MAMDC4: variants seen among roughly 807,000 people sequenced by gnomAD.
MAMDC4 encodes MAM domain containing 4, also known as apical endosomal glycoprotein.
In MAMDC4, 168 loss-of-function variants were observed where a neutral mutation model predicts 153.3. The observed-to-expected ratio is 1.10, with a 90% CI of 0.97 to 1.25. The LOEUF (loss-of-function observed/expected upper bound fraction) is 1.25, where lower values mean the gene tolerates loss of function less well. Among genes scored for constraint, MAMDC4 ranks in the 50% most tolerant of loss-of-function variants. The pLI is 0.00. For missense variants in MAMDC4, 1,701 were observed against 1,542.8 expected (o/e 1.10, Z -1.72); for synonymous variants, 744 against 651.5 (o/e 1.14, Z -2.16).
intron 1 of MAMDC4, 138 bp downstream of exon 1, chr9:136,852,600 C>A: frequency 8.8e-7 from 1 of 1,133,384 alleles, no homozygotes; most frequent in Non-Finnish European, 1.3e-6. Flanking sequence ...CTACCTTGGC[C>A]GGCCTGCAAG....
chr9:136,854,464 C>A, intron 7 of MAMDC4, 75 bp from the exon 8 acceptor site: 1 of 1,529,852 alleles, frequency 6.5e-7, no homozygotes, highest in Non-Finnish European at 8.8e-7. Flanking sequence ...GTTGCCAGGG[C>A]CCCCCTGGAG....
At chr9:136,856,216 G>A (rs1411521120) in intron 14 of MAMDC4, 67 bp downstream of exon 14, 1 of 1,610,828 alleles carries the variant, frequency 6.2e-7, no homozygotes, top group South Asian at 1.1e-5. Context: ...GGAGGGGTCT[G>A]GGGCCGGGTG....
At chr9:136,858,923 G>T in intron 23 of MAMDC4, 70 bp downstream of exon 23, 3 of 1,548,022 alleles carry the variant, frequency 1.9e-6, no homozygotes, top group Non-Finnish European at 2.6e-6. Context: ...GAGGTGGGGA[G>T]GTGGCCTCCC....
Position 136,856,759 on chromosome 9 carries a change from C to T in MAMDC4, c.1770C>T (p.His590=), listed in dbSNP as rs377077626. The T allele has an allele frequency of 8.7e-6, 14 of 1,612,386 alleles. 1 individual carries two copies. The African/African-American group carries it at 1.9e-4, about 22-fold the overall frequency. ...ACACATGCAGCTGGTACCCAGGCCA[C>T]CTCTCAGACACACACTGGCGCTGGG... ...ERDTCSWYPG[H]LSDTHWRWVE... The change falls in exon 15 of 27, where the codon CAC becomes CAT. Residue 590 remains histidine, a synonymous_variant. Coordinates refer to ENST00000317446, the MANE Select transcript of MAMDC4 (RefSeq NM_206920.3).
chr9:136,859,528 G>T lies in MAMDC4; in HGVS notation c.3193+211G>T, dbSNP rs115398961. The T allele has an allele frequency of 2.4e-3, 1,432 of 607,160 alleles. 12 individuals carry two copies. The highest frequency in any genetic ancestry group is 0.024 in the African/African-American group (1,269 of 53,816). 37.6% of individuals were successfully genotyped at this position (607,160 alleles called of 1,614,324 possible). A position where few individuals can be genotyped will look rare whatever the true frequency, so the allele number is the denominator to read the frequency against. On this transcript the variant is annotated intron_variant, in intron 25 of 26. Transcript: ENST00000317446. ...CTGCCTGGGCTGGGCTGTCCCTGGG[G>T]TGCAGCCTCTGGGGCCTGCCCTGCC...
At position 136,857,725 on chromosome 9, in the gene MAMDC4, C is replaced by G. The variant is rs758429815; in HGVS notation, c.2393C>G (p.Ser798Cys). Reference protein sequence around the residue: ...LPRGQTASLTSKEHRPLAQPA... With the variant: ...LPRGQTASLTCKEHRPLAQPA... ...CGGGGCCAGACGGCCTCCCTGACCT[C>G]CAAGGAGCACAGGCCCCTGGCCCAG... is the stretch of plus-strand genomic sequence containing the variant. The change falls in exon 19 of 27, where the codon TCC (serine) becomes TGC (cysteine). Residue 798 changes from serine to cysteine, a missense_variant. By Grantham distance (112) the Ser-to-Cys change is moderately radical. Transcript: ENST00000317446. 1.2e-6 allele frequency: 2 copies of G among 1,612,606 alleles called. No individual in the cohort carries two copies. The highest frequency in any genetic ancestry group is 1.7e-6 in the Non-Finnish European group (2 of 1,179,860).
Position 136,854,298 on chromosome 9 carries a change from A to G in MAMDC4, c.758A>G (p.Asn253Ser). ...CAGCAGCTGTGCGACGGGGAAGACA[A>G]CTGCGGGGACCTGTCTGATGAGAAC... ...EPQQLCDGED[N>S]CGDLSDENPL... Residue 253 changes from asparagine (N) to serine (S), a missense_variant, in exon 7 of 27, where the codon AAC becomes AGC. Coordinates refer to ENST00000317446, the MANE Select transcript of MAMDC4 (RefSeq NM_206920.3). 1 of 1,599,738 alleles carries G rather than the reference A, an allele frequency of 6.3e-7. No individual in the cohort carries two copies. Among genetic ancestry groups the G allele is most frequent in the Non-Finnish European group, 8.5e-7 (1 of 1,173,770 alleles).
rs1354147326 is a variant in MAMDC4, at chr9:136,857,653, C to G, written c.2327-6C>G. On this transcript the variant is annotated splice_polypyrimidine_tract_variant and splice_region_variant and intron_variant, in intron 18 of 26. Coordinates refer to ENST00000317446, the MANE Select transcript of MAMDC4 (RefSeq NM_206920.3). ...GGGGCTGGCAGGCTGATGCTGGCAC[C>G]TCCAGGGCACTACATGGTGGTGGAC... The G allele has an allele frequency of 2.5e-6, 4 of 1,612,422 alleles. No homozygotes were observed. Among genetic ancestry groups the G allele is most frequent in the Non-Finnish European group, 3.4e-6 (4 of 1,179,870 alleles).
chr9:136,855,378 A>G (rs1848989194), intron 11 of MAMDC4, 40 bp downstream of exon 11: 3 of 1,598,628 alleles, frequency 1.9e-6, no homozygotes, highest in Non-Finnish European at 2.6e-6. Context: ...CTTGCCCTGG[A>G]GAGGCACAGC....
At position 136,854,396 on chromosome 9, in the gene MAMDC4, C is replaced by T; in HGVS notation, c.796+60C>T. Reference sequence around the variant, plus strand: ...GAGACTGGACGCCTCGGTGGGGGCCCTGGCACTCATCCAGGAGGGGGTGCC... The same window carrying T: ...GAGACTGGACGCCTCGGTGGGGGCCTTGGCACTCATCCAGGAGGGGGTGCC... On this transcript the variant is annotated intron_variant, in intron 7 of 26. Transcript: ENST00000317446. 5 of 1,496,252 alleles carry T rather than the reference C, an allele frequency of 3.3e-6. No homozygotes were observed. In the South Asian group the frequency reaches 4.0e-5, roughly 12 times the overall value. 92.7% of individuals were successfully genotyped at this position (1,496,252 alleles called of 1,614,324 possible).
rs1261485881 is a variant in MAMDC4, at chr9:136,857,702, G to C, written c.2370G>C (p.Arg790=). 1 of 1,612,688 alleles carries C rather than the reference G, an allele frequency of 6.2e-7. No individual in the cohort carries two copies. The highest frequency in any genetic ancestry group is 8.5e-7 in the Non-Finnish European group (1 of 1,179,866). ...VVDTSPDALP[R]GQTASLTSKE... ...ACACAAGCCCAGACGCACTACCCCG[G>C]GGCCAGACGGCCTCCCTGACCTCCA... is the stretch of plus-strand genomic sequence containing the variant. The change falls in exon 19 of 27, where the codon CGG becomes CGC. Residue 790 remains arginine, a synonymous_variant. Transcript: ENST00000317446.
Position 136,857,742 on chromosome 9 carries a change from C to CT in MAMDC4, c.2411dup (p.Ala805GlyfsTer61). 1 of 1,612,676 alleles carries CT rather than the reference C, an allele frequency of 6.2e-7. No homozygotes were observed. The highest frequency in any genetic ancestry group is 8.5e-7 in the Non-Finnish European group (1 of 1,179,882). On this transcript the variant is annotated frameshift_variant, in exon 19 of 27. Transcript: ENST00000317446. LOFTEE classifies it high-confidence loss of function. Reference sequence around the variant, plus strand: ...CCTGACCTCCAAGGAGCACAGGCCCCTGGCCCAGCCTGCTTGTCTGACCTT... The same window carrying CT: ...CCTGACCTCCAAGGAGCACAGGCCCCTTGGCCCAGCCTGCTTGTCTGACCTT...
At chr9:136,858,136 C>T in intron 20 of MAMDC4, 39 bp downstream of exon 20, 2 of 1,537,052 alleles carry the variant, frequency 1.3e-6, no homozygotes, top group Non-Finnish European at 1.8e-6. Flanking sequence ...CTCCCCCTCC[C>T]CCGAGGGCTG....
In MAMDC4 at chr9:136,854,215, C is replaced by G; in HGVS notation, c.675C>G (p.Pro225=). ...GGTTAACCCTGCCCCACCCAGCCCC[C>G]CAGGCCAACTGTCCCCCGGGACACC... The part of the protein sequence containing the change: ...LEFWDCGLPT[P]QANCPPGHHH... Residue 225 remains proline, a synonymous_variant, in exon 7 of 27, where the codon CCC becomes CCG. Transcript: ENST00000317446. The G allele has an allele frequency of 1.9e-6, 3 of 1,612,252 alleles. No individual in the cohort carries two copies. The highest frequency in any genetic ancestry group is 2.5e-6 in the Non-Finnish European group (3 of 1,179,786).
In MAMDC4 at chr9:136,854,816, C is replaced by T; in HGVS notation, c.989C>T (p.Pro330Leu). Residue 330 changes from proline to leucine, a missense_variant, in exon 9 of 27, where the codon CCC (proline) becomes CTC (leucine). Transcript: ENST00000317446. Reference protein sequence around the residue: ...EPGTPAILSSPEFQASGTSNC... With the variant: ...EPGTPAILSSLEFQASGTSNC... ...GGCACCCCTGCTATACTCTCCAGCC[C>T]CGAATTCCAAGCCTCAGGCACCTCC... 6.2e-7 allele frequency: 1 copy of T among 1,612,848 alleles called. No homozygotes were observed. Among genetic ancestry groups the T allele is most frequent in the Non-Finnish European group, 8.5e-7 (1 of 1,179,878 alleles).
chr9:136,858,279 G>C lies in MAMDC4; in HGVS notation c.2674+3G>C. On this transcript the variant is annotated splice_donor_region_variant and intron_variant, in intron 21 of 26. Transcript: ENST00000317446. ...GGACGGGCCCTGCCCTCAGCCAGGT[G>C]GGAGCCCTGCCGTGGCCTCGGCCCT... is the stretch of plus-strand genomic sequence containing the variant. 6.2e-7 allele frequency: 1 copy of C among 1,601,596 alleles called. No homozygotes were observed. Among genetic ancestry groups the C allele is most frequent in the South Asian group, 1.1e-5 (1 of 90,850 alleles).
Position 136,860,038 on chromosome 9 carries a change from G to T in MAMDC4, c.3346G>T (p.Gly1116Cys). The change falls in exon 26 of 27, where the codon GGC becomes TGC. Residue 1116 changes from glycine to cysteine, a missense_variant. Gly to Cys is a radical substitution (Grantham distance 159, BLOSUM62 -3). Coordinates refer to ENST00000317446, the MANE Select transcript of MAMDC4 (RefSeq NM_206920.3). Reference protein sequence around the residue: ...FQSNTEATAPGFDNILFNADG... With the variant: ...FQSNTEATAPCFDNILFNADG... ...GAGCAACACAGAGGCCACAGCCCCT[G>T]GCTTTGACAACATCCTTTTCAATGC... 4 of 1,599,716 alleles carry T rather than the reference G, an allele frequency of 2.5e-6. No individual in the cohort carries two copies. The highest frequency in any genetic ancestry group is 3.4e-6 in the Non-Finnish European group (4 of 1,173,406).
At chr9:136,856,172 C>A in intron 14 of MAMDC4, 23 bp downstream of exon 14, 1 of 1,611,450 alleles carries the variant, frequency 6.2e-7, no homozygotes, top group South Asian at 1.1e-5. Context: ...TCCGCAAGTT[C>A]CCTGGCCAGC....
intron 26 of MAMDC4, 64 bp from the exon 27 acceptor site, chr9:136,860,498 T>A: frequency 6.5e-7 from 1 of 1,541,562 alleles, no homozygotes; most frequent in Non-Finnish European, 8.8e-7. Flanking sequence ...TCCATCCTGG[T>A]TGACAAGAGC....
Sources: allele counts gnomAD v4.1 joint callset, GRCh38; gene constraint gnomAD v4.1.1; transcripts MANE v1.5; gene names NCBI Gene and HGNC (gene_info 2026-07-23, HGNC 2026-07-21).